The following ADNP variants were observed in gnomAD, a reference collection of about 807,000 sequenced individuals.
ADNP encodes the protein activity dependent neuroprotector homeobox.
ADNP carries 4 observed loss-of-function variants against 84.9 expected under a neutral mutation model. That is an observed-to-expected ratio of 0.05 (90% confidence interval 0.02 to 0.11). ADNP has a LOEUF of 0.11. Among genes scored for constraint, ADNP ranks in the 10% least tolerant of loss-of-function variants. The probability of loss-of-function intolerance (pLI) is 1.00; values close to 1 mark genes in which losing one functional copy is unlikely to be tolerated. For synonymous variants in ADNP, 554 were observed against 468.1 expected (o/e 1.18, Z -2.37); for missense variants, 1,132 against 1,326.0 (o/e 0.85, Z 2.27).
chr20:50,909,486 C>T (rs1358685428), intron 2 of ADNP: 1 of 150,462 alleles, frequency 6.6e-6, no homozygotes, highest in African/African-American at 2.4e-5. Flanking sequence ...AGAAAAATAT[C>T]CAATTTAACA....
In ADNP at chr20:50,891,266, AC is replaced by A. The variant is rs1350953330; in HGVS notation, c.*138del. 2.8e-6 allele frequency: 4 copies of A among 1,421,958 alleles called. No individual in the cohort carries two copies. Among genetic ancestry groups the A allele is most frequent in the Non-Finnish European group, 3.7e-6 (4 of 1,094,600 alleles). 88.1% of individuals were successfully genotyped at this position (1,421,958 alleles called of 1,614,324 possible). On this transcript the variant is annotated 3_prime_UTR_variant, in exon 6 of 6. Coordinates refer to ENST00000621696, the MANE Select transcript of ADNP (RefSeq NM_001282531.3). ...TCCTGTCATAGACTTAGAAATAACC[AC>A]TGGAACTGCAGCGGCCACATGCCCC...
chr20:50,890,129 GTTA>G lies in ADNP; in HGVS notation c.*1273_*1275del, dbSNP rs1980513489. ...AAAACTCAAGGGTGTTTGTTTTTCA[GTTA>G]AAAAAAAAAAAAAAAAAAAAAAAAA... is the stretch of plus-strand genomic sequence containing the variant. On this transcript the variant is annotated 3_prime_UTR_variant, in exon 6 of 6. Transcript: ENST00000621696. 1 of 50,268 alleles carries G rather than the reference GTTA, an allele frequency of 2.0e-5. No homozygotes were observed. The highest frequency in any genetic ancestry group is 6.8e-5 in the African/African-American group (1 of 14,720). 3.1% of individuals were successfully genotyped at this position (50,268 alleles called of 1,614,324 possible).
chr20:50,909,876 T>G (rs949227032), intron 2 of ADNP: 1 of 152,216 alleles, frequency 6.6e-6, no homozygotes, highest in African/African-American at 2.4e-5. Flanking sequence ...AGTTGAGACC[T>G]GCCATCACAT....
intron 2 of ADNP, among the ~76,000 whole-genome samples, chr20:50,924,649 T>C (rs1984169960): frequency 6.6e-6 from 1 of 152,194 alleles, no homozygotes; most frequent in Admixed American, 6.5e-5. Flanking sequence ...AATACTATAA[T>C]ACCATAAAGG....
intron 2 of ADNP, among the ~76,000 whole-genome samples, chr20:50,909,346 CAA>C (rs1164848863): frequency 1.9e-5 from 1 of 52,530 alleles, no homozygotes; most frequent in African/African-American, 6.3e-5. Flanking sequence ...CTGTGGGCGA[CAA>C]GAGTAAAACT....
At chr20:50,923,864 A>G (rs1244310135) in intron 2 of ADNP, among the ~76,000 whole-genome samples, 2 of 152,188 alleles carry the variant, frequency 1.3e-5, no homozygotes, top group Non-Finnish European at 2.9e-5. Context: ...CAGGATTCTG[A>G]GCACTTCTTG....
At chr20:50,895,248 T>G (rs1053529012) in intron 5 of ADNP, among the ~76,000 whole-genome samples, 2 of 152,230 alleles carry the variant, frequency 1.3e-5, no homozygotes, top group Non-Finnish European at 2.9e-5. Context: ...CAGACCTAGA[T>G]GGTAGAACCT....
At chr20:50,897,731 A>T (rs988779413) in intron 5 of ADNP, among the ~76,000 whole-genome samples, 8 of 152,212 alleles carry the variant, frequency 5.3e-5, no homozygotes, top group Non-Finnish European at 1.0e-4. Context: ...CATCAGTTGG[A>T]TCAAAGAGGT....
intron 2 of ADNP, among the ~76,000 whole-genome samples, chr20:50,911,403 C>T (rs1177127149): frequency 1.3e-5 from 2 of 152,112 alleles, no homozygotes; most frequent in East Asian, 3.8e-4. Context: ...TAGTTTCATT[C>T]TTCTGCACTA....
intron 2 of ADNP, among the ~76,000 whole-genome samples, chr20:50,914,972 G>A (rs747788416): frequency 4.8e-5 from 7 of 146,852 alleles, no homozygotes; most frequent in Non-Finnish European, 5.9e-5. Context: ...CCATGTACAC[G>A]TGTATTTTTT....
intron 2 of ADNP, among the ~76,000 whole-genome samples, chr20:50,908,962 T>G (rs1275940990): frequency 6.6e-6 from 1 of 151,914 alleles, no homozygotes; most frequent in Non-Finnish European, 1.5e-5. Context: ...TTATTACTCT[T>G]AGGGAGAAAG....
intron 2 of ADNP, among the ~76,000 whole-genome samples, chr20:50,917,868 G>A (rs1374133804): frequency 6.6e-6 from 1 of 152,134 alleles, no homozygotes; most frequent in African/African-American, 2.4e-5. Flanking sequence ...GGATATGATT[G>A]AACCATGAAA....
chr20:50,914,396 TTAA>T, intron 2 of ADNP: 1 of 555,236 alleles, frequency 1.8e-6, no homozygotes, highest in East Asian at 3.2e-5. Context: ...TGGTAGAAGG[TTAA>T]ACAGCTTGGA....
At position 50,893,180 on chromosome 20, in the gene ADNP, G is replaced by A. The variant is rs1980985194; in HGVS notation, c.1534C>T (p.Leu512=). The change falls in exon 6 of 6, where the codon CTG becomes TTG. Residue 512 remains leucine (L), a synonymous_variant. Coordinates refer to ENST00000621696, the MANE Select transcript of ADNP (RefSeq NM_001282531.3). The surrounding 1 kb of genome is among the most constrained non-coding windows in gnomAD (Gnocchi z 4.4). ...GTTGAACGGCAATATGGACAAGACA[G>A]ACCATGAATTAACATATGGTTGAGC... The part of the protein sequence containing the change: ...TLLNHMLIHG[L]SCPYCRSTFN... 1 of 1,614,114 alleles carries A rather than the reference G, an allele frequency of 6.2e-7. No homozygotes were observed. Among genetic ancestry groups the A allele is most frequent in the Non-Finnish European group, 8.5e-7 (1 of 1,180,044 alleles).
chr20:50,917,019 C>A (rs1983561403), intron 2 of ADNP, among the ~76,000 whole-genome samples: 1 of 152,180 alleles, frequency 6.6e-6, no homozygotes, highest in Admixed American at 6.5e-5. Flanking sequence ...GCTGCCTAAT[C>A]TAAACTCTTC....
At chr20:50,908,461 T>C (rs960594888) in intron 2 of ADNP, among the ~76,000 whole-genome samples, 1 of 152,218 alleles carries the variant, frequency 6.6e-6, no homozygotes, top group Non-Finnish European at 1.5e-5. Context: ...TTCAAATCAA[T>C]AGCTGGCTCC....
chr20:50,894,294 G>C lies in ADNP; in HGVS notation c.420C>G (p.Leu140=). 1 of 1,613,828 alleles carries C rather than the reference G, an allele frequency of 6.2e-7. No individual in the cohort carries two copies. Among genetic ancestry groups the C allele is most frequent in the Non-Finnish European group, 8.5e-7 (1 of 1,179,924 alleles). The change falls in exon 6 of 6, where the codon CTC becomes CTG. Residue 140 remains leucine, a synonymous_variant. Transcript: ENST00000621696. The part of the protein sequence containing the change: ...APNASAPSSS[L]STFKDKNKND... ...TTTTGTTTTTATCTTTGAAAGTGCT[G>C]AGGCTGCTACTTGGTGCGCTGGCGT...
intron 2 of ADNP, among the ~76,000 whole-genome samples, chr20:50,908,450 G>T (rs1187203665): frequency 6.6e-6 from 1 of 152,170 alleles, no homozygotes; most frequent in Admixed American, 6.5e-5. Context: ...AGAAACATAA[G>T]TTCAAATCAA....
At position 50,889,710 on chromosome 20, in the gene ADNP, T is replaced by G. The variant is rs1290042601; in HGVS notation, c.*1695A>C. The G allele has an allele frequency of 7.6e-6, 3 of 392,798 alleles. No homozygotes were observed. Among genetic ancestry groups the G allele is most frequent in the Admixed American group, 8.9e-5 (2 of 22,566 alleles). 24.3% of individuals were successfully genotyped at this position (392,798 alleles called of 1,614,324 possible). ...CTCATGGATTGGAGTTTCCCATCAT[T>G]GTTTTAATTGCTGGAAATGTTGGCC... On this transcript the variant is annotated 3_prime_UTR_variant, in exon 6 of 6. Coordinates refer to ENST00000621696, the MANE Select transcript of ADNP (RefSeq NM_001282531.3).
Sources: gnomAD v4.1 joint callset for allele counts (sites outside exome capture counted in the v4.1 genomes callset) on GRCh38, gnomAD v4.1.1 for gene constraint, Gnocchi (gnomAD v3.1) non-coding constraint, MANE v1.5 for transcripts, NCBI Gene and HGNC (gene_info 2026-07-23, HGNC 2026-07-21) for gene names.